Variants in LRRIQ1 observed in about 807,000 individuals in gnomAD.
LRRIQ1 encodes leucine-rich repeat- and IQ domain-containing protein 1.
LRRIQ1 carries 210 observed loss-of-function variants against 211.9 expected under a neutral mutation model. That is an observed-to-expected ratio of 0.99 (90% confidence interval 0.89 to 1.11). The LOEUF (loss-of-function observed/expected upper bound fraction) is 1.11, where lower values mean the gene tolerates loss of function less well. LRRIQ1 is among the 50% of genes most tolerant of loss of function. The probability of loss-of-function intolerance (pLI) is 0.00; values close to 1 mark genes in which losing one functional copy is unlikely to be tolerated. For missense variants in LRRIQ1, 2,136 were observed against 1,939.5 expected, an observed-to-expected ratio of 1.10 and a Z score of -1.90; for synonymous variants, 699 against 650.1, an observed-to-expected ratio of 1.08 and a Z score of -1.14.
chr12:85,042,670 AAAATT>A (rs569862107), intron 3 of LRRIQ1, among the ~76,000 whole-genome samples: 1 of 151,312 alleles, frequency 6.6e-6, no homozygotes, highest in Non-Finnish European at 1.5e-5. Context: ...ATGATAGTTT[AAAATT>A]AAATTAATGA....
At chr12:85,219,582 A>G (rs1894305077) in intron 24 of LRRIQ1, among the ~76,000 whole-genome samples, 1 of 151,960 alleles carries the variant, frequency 6.6e-6, no homozygotes, top group African/African-American at 2.4e-5. Context: ...ATAACTTTTC[A>G]TTTTAGTTTT....
intron 24 of LRRIQ1, among the ~76,000 whole-genome samples, chr12:85,197,083 A>C (rs1892958691): frequency 6.6e-6 from 1 of 152,212 alleles, no homozygotes; most frequent in Non-Finnish European, 1.5e-5. Flanking sequence ...AAAAATGCTC[A>C]TCATCACTGG....
chr12:85,163,750 T>C (rs1268027116), intron 24 of LRRIQ1, among the ~76,000 whole-genome samples: 10 of 152,150 alleles, frequency 6.6e-5, no homozygotes, highest in Admixed American at 6.5e-4. Flanking sequence ...ATAGTTGATA[T>C]TAAATATCAA....
At chr12:85,196,837 T>G (rs1892943216) in intron 24 of LRRIQ1, among the ~76,000 whole-genome samples, 1 of 152,076 alleles carries the variant, frequency 6.6e-6, no homozygotes, top group Admixed American at 6.6e-5. Flanking sequence ...GGGATCTAAT[T>G]AAACTAAAGA....
intron 13 of LRRIQ1, among the ~76,000 whole-genome samples, chr12:85,101,879 T>C (rs1464824919): frequency 6.6e-6 from 1 of 151,750 alleles, no homozygotes; most frequent in African/African-American, 2.4e-5. Context: ...AAATTGTTGG[T>C]TATTTGCATT....
intron 1 of LRRIQ1, among the ~76,000 whole-genome samples, chr12:85,254,850 T>A (rs1258981793): frequency 1.3e-5 from 2 of 151,934 alleles, no homozygotes; most frequent in Admixed American, 1.3e-4. Context: ...TTTGAATAAC[T>A]CCAGAACTTC....
At chr12:85,183,578 TATC>T (rs1892090571) in intron 24 of LRRIQ1, among the ~76,000 whole-genome samples, 2 of 151,946 alleles carry the variant, frequency 1.3e-5, no homozygotes, top group South Asian at 4.1e-4. Context: ...AAAAAGAAAA[TATC>T]ATGGGCTTAT....
At chr12:85,214,842 A>G (rs1417620850) in intron 24 of LRRIQ1, among the ~76,000 whole-genome samples, 1 of 152,128 alleles carries the variant, frequency 6.6e-6, no homozygotes, top group Non-Finnish European at 1.5e-5. Context: ...ATATTAATAA[A>G]TATATACGCA....
intron 24 of LRRIQ1, among the ~76,000 whole-genome samples, chr12:85,192,951 TA>T (rs1348832518): frequency 0.028 from 2,597 of 91,460 alleles, 67 homozygotes; most frequent in Non-Finnish European, 0.043. Context: ...TATAAATATA[TA>T]ATTATATAAT....
chr12:85,131,120 A>G (rs1888726527), intron 18 of LRRIQ1, among the ~76,000 whole-genome samples: 1 of 151,522 alleles, frequency 6.6e-6, no homozygotes, highest in Non-Finnish European at 1.5e-5. Flanking sequence ...CTGAGACATG[A>G]GAATCTCTTG....
intron 19 of LRRIQ1, among the ~76,000 whole-genome samples, chr12:85,149,410 CT>C (rs34705794): frequency 6.6e-6 from 1 of 151,828 alleles, no homozygotes; most frequent in Non-Finnish European, 1.5e-5. Context: ...AACAGGAGAT[CT>C]TTTTCCCATT....
chr12:85,166,353 G>A (rs1195399776), intron 24 of LRRIQ1, among the ~76,000 whole-genome samples: 1 of 152,180 alleles, frequency 6.6e-6, no homozygotes, highest in Admixed American at 6.5e-5. Context: ...GTCTGCTGCT[G>A]TCATCACTAA....
At chr12:85,120,855 CT>C (rs1887925805) in intron 15 of LRRIQ1, among the ~76,000 whole-genome samples, 1 of 152,216 alleles carries the variant, frequency 6.6e-6, no homozygotes, top group Non-Finnish European at 1.5e-5. Context: ...AGGGTTTCGG[CT>C]AGTAGTTCTA....
chr12:85,212,324 G>T (rs1209016399), intron 24 of LRRIQ1, among the ~76,000 whole-genome samples: 2 of 151,216 alleles, frequency 1.3e-5, no homozygotes, highest in African/African-American at 4.9e-5. Flanking sequence ...GAAAAGAAAA[G>T]AAAAGAAAAA....
At chr12:85,102,959 A>AATATATATATAT (rs1197049295) in intron 13 of LRRIQ1, among the ~76,000 whole-genome samples, 12 of 108,464 alleles carry the variant, frequency 1.1e-4, no homozygotes, top group African/African-American at 4.2e-4. Context: ...AAAAAAAAAA[A>AATATATATATAT]ATATATATAT....
Position 85,121,742 on chromosome 12 carries a change from C to T in LRRIQ1, c.3423C>T (p.Gly1141=). Residue 1141 remains glycine (G), a synonymous_variant, in exon 16 of 27, where the codon GGC becomes GGT. Coordinates refer to ENST00000393217, the MANE Select transcript of LRRIQ1 (RefSeq NM_001079910.2). ...KVLPALRILN[G]NILNSNSESR... ...TGCCTGCTCTGAGAATCCTCAATGG[C>T]AATATACTAAACTCTAATTCAGAAA... 1 of 1,603,828 alleles carries T rather than the reference C, an allele frequency of 6.2e-7. No individual in the cohort carries two copies. Among genetic ancestry groups the T allele is most frequent in the Non-Finnish European group, 8.5e-7 (1 of 1,175,272 alleles).
intron 1 of LRRIQ1, among the ~76,000 whole-genome samples, chr12:85,259,290 A>C (rs932741490): frequency 2.6e-5 from 4 of 152,054 alleles, no homozygotes; most frequent in Non-Finnish European, 4.4e-5. Flanking sequence ...CTCCAATATC[A>C]ATATTTTGAG....
intron 8 of LRRIQ1, among the ~76,000 whole-genome samples, chr12:85,063,498 G>A (rs1882090042): frequency 6.6e-6 from 1 of 151,040 alleles, no homozygotes; most frequent in South Asian, 2.1e-4. Context: ...TAGTAGATGG[G>A]GTATCCATTA....
intron 1 of LRRIQ1, among the ~76,000 whole-genome samples, chr12:85,253,077 CT>C (rs892423989): frequency 2.6e-4 from 40 of 151,808 alleles, no homozygotes; most frequent in Non-Finnish European, 8.8e-5. Context: ...GTGAAATAGG[CT>C]TTTTTTCTCT....
Sources: gnomAD v4.1 joint callset for allele counts (sites outside exome capture counted in the v4.1 genomes callset) on GRCh38, gnomAD v4.1.1 for gene constraint, MANE v1.5 for transcripts, NCBI Gene and HGNC (gene_info 2026-07-23, HGNC 2026-07-21) for gene names.